Variants in AAMDC observed in about 807,000 individuals in gnomAD.
The protein encoded by AAMDC is mth938 domain-containing protein.
AAMDC carries 16 observed loss-of-function variants against 15.5 expected under a neutral mutation model. The ratio of observed to expected loss-of-function variants is 1.03; its 90% confidence interval spans 0.70 to 1.57. The LOEUF (loss-of-function observed/expected upper bound fraction) is 1.57. AAMDC is among the 40% of genes most tolerant of loss of function. The pLI, the probability that AAMDC is intolerant of heterozygous loss-of-function variation, is 0.00. For synonymous variants in AAMDC, 51 were observed against 51.6 expected (o/e 0.99, Z 0.05); for missense variants, 141 against 144.9 (o/e 0.97, Z 0.14).
At chr11:77,850,092 G>A (rs946635035) in intron 2 of AAMDC, among the ~76,000 whole-genome samples, 1 of 152,180 alleles carries the variant, frequency 6.6e-6, no homozygotes, top group Admixed American at 6.6e-5. Flanking sequence ...CATTATAAAT[G>A]TCATTAAACA....
intron 1 of AAMDC, among the ~76,000 whole-genome samples, chr11:77,838,916 A>G (rs1057288190): frequency 6.6e-6 from 1 of 152,142 alleles, no homozygotes; most frequent in Non-Finnish European, 1.5e-5. Context: ...GCGCCCAGCA[A>G]TACAAGTACC....
chr11:77,878,014 A>G (rs1382099599), intron 5 of AAMDC, among the ~76,000 whole-genome samples: 1 of 152,122 alleles, frequency 6.6e-6, no homozygotes, highest in East Asian at 1.9e-4. Context: ...TAGCTCTTCT[A>G]TATTATTTAT....
downstream of AAMDC, chr11:77,872,443 G>C (rs1423435098): frequency 9.1e-7 from 1 of 1,100,128 alleles, no homozygotes. Flanking sequence ...CTAGGCTCTT[G>C]GGATGCAGGG....
In AAMDC at chr11:77,879,077, G is replaced by A. The variant is rs769182209; in HGVS notation, c.328+2028G>A. ...TCCATCCAGGGGCATTTTGGAATGC[G>A]AGCACTGGAGTTGTAGGCCAGCAGC... is the stretch of plus-strand genomic sequence containing the variant. On this transcript the variant is annotated intron_variant, in intron 5 of 5. Coordinates refer to the AAMDC transcript ENST00000304716. 8.7e-6 allele frequency: 14 copies of A among 1,614,114 alleles called. No individual in the cohort carries two copies. The East Asian group carries it at 1.1e-4, about 13-fold the overall frequency.
chr11:77,858,078 G>T (rs1251731695), intron 2 of AAMDC, among the ~76,000 whole-genome samples: 1 of 152,084 alleles, frequency 6.6e-6, no homozygotes, highest in South Asian at 2.1e-4. Context: ...GAGTACAGTG[G>T]TATGATCATA....
At chr11:77,889,915 A>G (rs1952190022) in intron 5 of AAMDC, among the ~76,000 whole-genome samples, 1 of 152,176 alleles carries the variant, frequency 6.6e-6, no homozygotes, top group South Asian at 2.1e-4. Flanking sequence ...AATCTCCTTT[A>G]CGCTCAGGTG....
chr11:77,837,827 G>A (rs915813717), intron 1 of AAMDC, among the ~76,000 whole-genome samples: 1 of 152,290 alleles, frequency 6.6e-6, no homozygotes, highest in East Asian at 1.9e-4. Flanking sequence ...AGGCTGAGAA[G>A]ACAGATTGCT....
chr11:77,827,057 A>G (rs918143466), intron 1 of AAMDC, among the ~76,000 whole-genome samples: 3 of 152,018 alleles, frequency 2.0e-5, no homozygotes, highest in African/African-American at 7.2e-5. Flanking sequence ...GTGAGCTGAG[A>G]TGGGGCCACT....
downstream of AAMDC, among the ~76,000 whole-genome samples, chr11:77,874,092 AG>A (rs1398778698): frequency 6.6e-6 from 1 of 152,172 alleles, no homozygotes; most frequent in Non-Finnish European, 1.5e-5. Flanking sequence ...AAGTTCTCCA[AG>A]TAAGTGGCAG....
rs192419897 is a variant in AAMDC at position 77,864,946 on chromosome 11, C to T, written c.133-4776C>T. 2.0e-5 allele frequency among the ~76,000 whole-genome samples: 3 copies of T among 152,242 alleles called. No homozygotes were observed. In the East Asian group the frequency reaches 5.8e-4, roughly 29 times the overall value. On this transcript the variant is annotated intron_variant, in intron 2 of 3. Transcript: ENST00000393427. Reference sequence around the variant, plus strand: ...GAGCCCTGATTGCACCACTGCCCTCCAGCCTCAGTGACAGAGTGAGACCCT... The same window carrying T: ...GAGCCCTGATTGCACCACTGCCCTCTAGCCTCAGTGACAGAGTGAGACCCT...
At chr11:77,828,039 G>A (rs12417232) in intron 1 of AAMDC, among the ~76,000 whole-genome samples, 19,574 of 152,022 alleles carry the variant, frequency 0.13, 1,446 homozygotes, top group Admixed American at 0.2. Flanking sequence ...TTTGGGAGGC[G>A]AGGTAGGTGG....
At chr11:77,893,097 C>T (rs1952349119) in intron 5 of AAMDC, among the ~76,000 whole-genome samples, 1 of 152,186 alleles carries the variant, frequency 6.6e-6, no homozygotes, top group Non-Finnish European at 1.5e-5. Context: ...GCTTTAAGAT[C>T]CTATGTCTTC....
intron 2 of AAMDC, among the ~76,000 whole-genome samples, chr11:77,846,622 C>T (rs1950158799): frequency 6.6e-6 from 1 of 152,230 alleles, no homozygotes; most frequent in South Asian, 2.1e-4. Context: ...AGGAGAATCG[C>T]TTGAACCCGG....
chr11:77,866,605 A>C (rs1274280313), intron 2 of AAMDC: 2 of 152,100 alleles, frequency 1.3e-5, no homozygotes, highest in Non-Finnish European at 2.9e-5. Flanking sequence ...TCTCCAGTCT[A>C]ATCTCCAGAG....
Position 77,883,913 on chromosome 11 carries a change from TG to T in AAMDC, c.328+6868del, listed in dbSNP as rs749496692. 4 of 1,613,242 alleles carry T rather than the reference TG, an allele frequency of 2.5e-6. No individual in the cohort carries two copies. In the Admixed American group the frequency reaches 6.7e-5, roughly 27 times the overall value. On this transcript the variant is annotated intron_variant, in intron 5 of 5. Transcript: ENST00000304716. ...CCAGGATTCCGGAAGTCTGCAGGCT[TG>T]GGGTGAATCATCTGAGCCTGGCCAT...
intron 2 of AAMDC, chr11:77,866,517 G>A (rs941772680): frequency 6.6e-6 from 1 of 152,224 alleles, no homozygotes. Context: ...ATGACACTGT[G>A]AGCCTGCAGT....
At chr11:77,848,520 G>T (rs1950238285) in intron 2 of AAMDC, among the ~76,000 whole-genome samples, 1 of 151,990 alleles carries the variant, frequency 6.6e-6, no homozygotes, top group African/African-American at 2.4e-5. Flanking sequence ...ACCTCACTTG[G>T]CTAATTTTTT....
rs570689757 is a variant in AAMDC, at chr11:77,836,287, G to A, written c.-18-6192G>A. On this transcript the variant is annotated intron_variant, in intron 1 of 3. Transcript: ENST00000393427. ...CTAACCCCAAAAACGACTGTAGTTA[G>A]AGATAGGGTCTTCAAGGAGGTAGTT... Among the ~76,000 whole-genome samples the A allele has an allele frequency of 2.0e-5, 3 of 152,254 alleles. No homozygotes were observed. In the East Asian group the frequency reaches 5.8e-4, roughly 29 times the overall value.
chr11:77,821,732 G>A (rs1948913221), intron 1 of AAMDC, among the ~76,000 whole-genome samples: 2 of 152,090 alleles, frequency 1.3e-5, no homozygotes, highest in South Asian at 4.1e-4. Flanking sequence ...GGGGCGGGGC[G>A]GGGGCAGTGA....
Sources: allele counts gnomAD v4.1 joint callset (sites outside exome capture counted in the v4.1 genomes callset), GRCh38; gene constraint gnomAD v4.1.1; transcripts MANE v1.5; gene names NCBI Gene and HGNC (gene_info 2026-07-23, HGNC 2026-07-21).